Variants in NYAP2 observed in about 807,000 individuals in gnomAD.
The protein encoded by NYAP2 is neuronal tyrosine-phosphorylated phosphoinositide-3-kinase adaptor 2.
A neutral mutation model predicts 50.4 loss-of-function variants in NYAP2; 23 were observed. That is an observed-to-expected ratio of 0.46 (90% CI 0.33 to 0.65). The LOEUF (loss-of-function observed/expected upper bound fraction) is 0.65. NYAP2 is among the 30% of genes least tolerant of loss of function. The probability of loss-of-function intolerance (pLI) is 0.02; values close to 1 mark genes in which losing one functional copy is unlikely to be tolerated. For synonymous variants in NYAP2, 394 were observed against 365.2 expected, an observed-to-expected ratio of 1.08 and a Z score of -0.90; for missense variants, 885 against 861.0, an observed-to-expected ratio of 1.03 and a Z score of -0.35.
chr2:225,452,304 G>A (rs1048390530), intron 3 of NYAP2, among the ~76,000 whole-genome samples: 3 of 152,112 alleles, frequency 2.0e-5, no homozygotes, highest in African/African-American at 4.8e-5. Context: ...AGTTGCATTA[G>A]CACTGTAGGA....
chr2:225,653,399 G>A (rs557705181), exon 7 of NYAP2: 1 of 152,316 alleles, frequency 6.6e-6, no homozygotes, highest in East Asian at 1.9e-4. Flanking sequence ...TAGAGACAAG[G>A]TATACCCTTT....
chr2:225,482,906 G>T (rs1690230598), intron 3 of NYAP2, among the ~76,000 whole-genome samples: 1 of 152,118 alleles, frequency 6.6e-6, no homozygotes, highest in African/African-American at 2.4e-5. Context: ...AAAGCCCATG[G>T]ATCCATTATT....
At chr2:225,575,345 T>C (rs1419183266) in intron 4 of NYAP2, among the ~76,000 whole-genome samples, 1 of 152,228 alleles carries the variant, frequency 6.6e-6, no homozygotes, top group East Asian at 1.9e-4. Context: ...ACCATACTTC[T>C]GATACCAGTT....
downstream of NYAP2, among the ~76,000 whole-genome samples, chr2:225,658,293 AC>A (rs964932289): frequency 1.5e-4 from 23 of 152,158 alleles, no homozygotes; most frequent in African/African-American, 5.5e-4. Context: ...AACATGAAAA[AC>A]CCTAAGAGGA....
intron 3 of NYAP2, among the ~76,000 whole-genome samples, chr2:225,504,429 G>A (rs72974573): frequency 6.6e-6 from 1 of 152,104 alleles, no homozygotes; most frequent in Non-Finnish European, 1.5e-5. Context: ...AATTTGGGGT[G>A]GGGGAGCAGG....
chr2:225,544,503 C>G (rs1263208979), intron 4 of NYAP2, among the ~76,000 whole-genome samples: 3 of 151,764 alleles, frequency 2.0e-5, no homozygotes, highest in Non-Finnish European at 2.9e-5. Context: ...AAACTGATGA[C>G]AAAACTAATT....
At chr2:225,666,876 G>C in the NYAP2 span, among the ~76,000 whole-genome samples, 4 of 133,624 alleles carry the variant, frequency 3.0e-5, no homozygotes, top group East Asian at 8.9e-4. Flanking sequence ...CACACACACA[G>C]AGGACAGCTT....
At chr2:225,488,861 A>T (rs1690351441) in intron 3 of NYAP2, among the ~76,000 whole-genome samples, 1 of 152,186 alleles carries the variant, frequency 6.6e-6, no homozygotes, top group South Asian at 2.1e-4. Context: ...ATGGTTGGTG[A>T]GTTTGATTTT....
At chr2:225,609,626 A>T (rs1692846305) in intron 5 of NYAP2, among the ~76,000 whole-genome samples, 1 of 152,252 alleles carries the variant, frequency 6.6e-6, no homozygotes, top group East Asian at 1.9e-4. Flanking sequence ...TCCTTGTCCC[A>T]TGTTGAGAGG....
the NYAP2 span, among the ~76,000 whole-genome samples, chr2:225,669,546 A>C: frequency 1.3e-5 from 2 of 152,164 alleles, no homozygotes; most frequent in Non-Finnish European, 1.5e-5. Flanking sequence ...TTAAAAAATC[A>C]TTTAGTGAGA....
chr2:225,446,232 C>G (rs1014044024), intron 3 of NYAP2, among the ~76,000 whole-genome samples: 1 of 99,422 alleles, frequency 1.0e-5, no homozygotes, highest in African/African-American at 4.7e-5. Flanking sequence ...CTCTCTCTCT[C>G]TCTCTCTCTC....
chr2:225,513,969 C>G (rs1019938400), intron 4 of NYAP2, among the ~76,000 whole-genome samples: 1 of 152,110 alleles, frequency 6.6e-6, no homozygotes, highest in African/African-American at 2.4e-5. Flanking sequence ...GTTATATTTT[C>G]TTATACTATT....
intron 5 of NYAP2, among the ~76,000 whole-genome samples, chr2:225,616,387 C>T (rs13421386): frequency 0.62 from 94,620 of 152,114 alleles, 30,115 homozygotes; most frequent in South Asian, 0.8. Context: ...CCTCTTTTCC[C>T]TAGAGACTTG....
At chr2:225,477,944 C>A (rs1352223260) in intron 3 of NYAP2, among the ~76,000 whole-genome samples, 1 of 152,084 alleles carries the variant, frequency 6.6e-6, no homozygotes, top group African/African-American at 2.4e-5. Flanking sequence ...CTTTATCAAT[C>A]CTTGTATTAA....
rs1334891884 is a variant in NYAP2, at chr2:225,400,323, G to C, written c.-501+68G>C. 2.0e-5 allele frequency: 3 copies of C among 149,820 alleles called. No individual in the cohort carries two copies. The South Asian group carries it at 6.5e-4, about 33-fold the overall frequency. 9.3% of individuals were successfully genotyped at this position (149,820 alleles called of 1,614,324 possible). On this transcript the variant is annotated intron_variant, in intron 1 of 6. Coordinates refer to ENST00000636099, the Ensembl canonical transcript of NYAP2. Reference sequence around the variant, plus strand: ...TTCAACAGACTAAGGCAGCTGGAGAGGAGAAAGAGAAGCAGGAAGGGAGGG... The same window carrying C: ...TTCAACAGACTAAGGCAGCTGGAGACGAGAAAGAGAAGCAGGAAGGGAGGG...
At chr2:225,594,884 C>A (rs1692570052) in intron 5 of NYAP2, among the ~76,000 whole-genome samples, 1 of 152,016 alleles carries the variant, frequency 6.6e-6, no homozygotes, top group African/African-American at 2.4e-5. Context: ...AAAATCTGGG[C>A]TATTGCTATT....
chr2:225,505,620 A>T (rs1690690168), intron 3 of NYAP2, among the ~76,000 whole-genome samples: 2 of 152,208 alleles, frequency 1.3e-5, no homozygotes, highest in Admixed American at 1.3e-4. Flanking sequence ...TCCTGAGTCT[A>T]TCCCTGACAC....
intron 4 of NYAP2, among the ~76,000 whole-genome samples, chr2:225,529,906 A>C (rs1488253069): frequency 6.6e-6 from 1 of 151,244 alleles, no homozygotes. Context: ...ACGGGGTTTC[A>C]CCATGTTGGC....
At chr2:225,629,469 G>A (rs541567340) in intron 6 of NYAP2, among the ~76,000 whole-genome samples, 8 of 152,244 alleles carry the variant, frequency 5.3e-5, no homozygotes, top group South Asian at 2.1e-4. Context: ...ATAAAATCAC[G>A]TGTGTTACAT....
Sources: gnomAD v4.1 joint callset for allele counts (sites outside exome capture counted in the v4.1 genomes callset) on GRCh38, gnomAD v4.1.1 for gene constraint, MANE v1.5 for transcripts, NCBI Gene and HGNC (gene_info 2026-07-23, HGNC 2026-07-21) for gene names.